Variants in MAGI3 observed in about 807,000 individuals in gnomAD.
MAGI3 encodes the protein membrane associated guanylate kinase, WW and PDZ domain containing 3, also known as membrane-associated guanylate kinase, WW and PDZ domain-containing protein 3.
A neutral mutation model predicts 121.8 loss-of-function variants in MAGI3; 43 were observed. The observed-to-expected ratio is 0.35, with a 90% CI of 0.28 to 0.46. The LOEUF is 0.46. Ranked by LOEUF, MAGI3 falls within the 20% of genes least tolerant of loss-of-function variation. MAGI3 has a pLI of 1.00. For synonymous variants in MAGI3, 553 were observed against 639.3 expected (o/e 0.86, Z 2.04); for missense variants, 1,547 against 1,797.3 (o/e 0.86, Z 2.52).
chr1:113,460,026 A>T (rs1032032095), intron 1 of MAGI3, among the ~76,000 whole-genome samples: 1 of 152,208 alleles, frequency 6.6e-6, no homozygotes. Context: ...CCTCAACAGA[A>T]TACTTGCAAA....
At chr1:113,635,980 T>C (rs1200017946) in intron 9 of MAGI3, among the ~76,000 whole-genome samples, 2 of 152,218 alleles carry the variant, frequency 1.3e-5, no homozygotes, top group African/African-American at 4.8e-5. Flanking sequence ...GAGGAATGTA[T>C]CCATTTCTTC....
Position 113,390,704 on chromosome 1 carries a change from G to A in MAGI3, c.-330G>A, listed in dbSNP as rs1466183272. 1 of 158,376 alleles carries A rather than the reference G, an allele frequency of 6.3e-6. No individual in the cohort carries two copies. Among genetic ancestry groups the A allele is most frequent in the African/African-American group, 2.4e-5 (1 of 41,638 alleles). 9.8% of individuals were successfully genotyped at this position (158,376 alleles called of 1,614,324 possible). ...CCCGCCGCTCGGGCGCTGAGCCCAG[G>A]GACCAGCCGGCGGCAGTGACCCCGC... On this transcript the variant is annotated 5_prime_UTR_variant, in exon 1 of 21. Transcript: ENST00000307546.
chr1:113,681,039 T>G (rs1283708713), intron 19 of MAGI3, among the ~76,000 whole-genome samples, 159 bp from the exon 20 acceptor site: 1 of 151,892 alleles, frequency 6.6e-6, no homozygotes, highest in Non-Finnish European at 1.5e-5. Context: ...TTGTCATCTG[T>G]CCTCTCATCA....
intron 1 of MAGI3, among the ~76,000 whole-genome samples, chr1:113,411,378 T>TTC (rs1206757754): frequency 2.0e-5 from 3 of 152,074 alleles, no homozygotes; most frequent in African/African-American, 7.2e-5. Context: ...GTCTTATATT[T>TTC]TCTCTGACTA....
chr1:113,598,822 C>T (rs1649183146), intron 6 of MAGI3, among the ~76,000 whole-genome samples: 1 of 152,064 alleles, frequency 6.6e-6, no homozygotes, highest in African/African-American at 2.4e-5. Context: ...AACAAATAAA[C>T]CTGACAGATA....
At chr1:113,626,123 G>A (rs1170389681) in intron 9 of MAGI3, among the ~76,000 whole-genome samples, 6 of 151,998 alleles carry the variant, frequency 3.9e-5, no homozygotes, top group Non-Finnish European at 5.9e-5. Context: ...TCACCAGCAC[G>A]CCTGGCTAAT....
At chr1:113,673,883 C>T (rs1321525851) in intron 19 of MAGI3, among the ~76,000 whole-genome samples, 1 of 152,154 alleles carries the variant, frequency 6.6e-6, no homozygotes, top group Admixed American at 6.5e-5. Context: ...CTCTTAGCTA[C>T]CGGGAGAGGT....
At chr1:113,505,141 TAGG>T (rs1657251673) in intron 1 of MAGI3, among the ~76,000 whole-genome samples, 2 of 151,798 alleles carry the variant, frequency 1.3e-5, no homozygotes, top group African/African-American at 4.8e-5. Context: ...AAAAGGGAGG[TAGG>T]CCCATACCAG....
intron 1 of MAGI3, among the ~76,000 whole-genome samples, chr1:113,520,315 A>G (rs1212854307): frequency 7.9e-5 from 12 of 151,978 alleles, no homozygotes; most frequent in Admixed American, 7.9e-4. Flanking sequence ...TTTGAGTGCC[A>G]CTGTATGCCT....
intron 6 of MAGI3, among the ~76,000 whole-genome samples, chr1:113,597,365 A>G (rs1333142887): frequency 6.6e-6 from 1 of 152,204 alleles, no homozygotes; most frequent in African/African-American, 2.4e-5. Context: ...GGAGTTATGA[A>G]GACGTTTTAA....
At chr1:113,444,440 A>G (rs1472836790) in intron 1 of MAGI3, among the ~76,000 whole-genome samples, 1 of 152,196 alleles carries the variant, frequency 6.6e-6, no homozygotes, top group African/African-American at 2.4e-5. Context: ...AGGCTAGAAT[A>G]TTCAAAAACA....
chr1:113,645,438 G>A (rs963064205), intron 11 of MAGI3, among the ~76,000 whole-genome samples: 1 of 152,190 alleles, frequency 6.6e-6, no homozygotes, highest in African/African-American at 2.4e-5. Flanking sequence ...GGTTCCTCTA[G>A]TAATCATTTT....
chr1:113,439,676 T>A (rs933963236), intron 1 of MAGI3, among the ~76,000 whole-genome samples: 4 of 152,192 alleles, frequency 2.6e-5, no homozygotes, highest in Non-Finnish European at 4.4e-5. Context: ...GAAAGGAAAC[T>A]AAAGTTTGAG....
At chr1:113,589,897 T>C (rs1648590852) in intron 4 of MAGI3, among the ~76,000 whole-genome samples, 2 of 152,110 alleles carry the variant, frequency 1.3e-5, no homozygotes, top group African/African-American at 4.8e-5. Flanking sequence ...ACAGGAACTC[T>C]ATTGAGTGTA....
intron 3 of MAGI3, 90 bp downstream of exon 3, chr1:113,580,751 T>A (rs577179577): frequency 1.5e-6 from 2 of 1,293,132 alleles, no homozygotes; most frequent in East Asian, 2.8e-5. Flanking sequence ...AAAGTACCAC[T>A]TTTTGAAAAA....
chr1:113,628,379 A>T (rs967689059), intron 9 of MAGI3, among the ~76,000 whole-genome samples: 2 of 152,044 alleles, frequency 1.3e-5, no homozygotes, highest in Non-Finnish European at 2.9e-5. Context: ...GTCTTATTGT[A>T]CTTTGTCTTG....
chr1:113,467,623 C>T (rs767625328), intron 1 of MAGI3, among the ~76,000 whole-genome samples: 1 of 152,150 alleles, frequency 6.6e-6, no homozygotes, highest in East Asian at 1.9e-4. Flanking sequence ...GCTTCAACCT[C>T]CTGGGTTCGA....
At chr1:113,605,644 G>A (rs1649714731) in intron 6 of MAGI3, among the ~76,000 whole-genome samples, 1 of 152,068 alleles carries the variant, frequency 6.6e-6, no homozygotes, top group Admixed American at 6.5e-5. Flanking sequence ...CTGTCGAACA[G>A]GCTGGAGTGC....
Position 113,683,855 on chromosome 1 carries a change from G to A in MAGI3, c.4287G>A (p.Gly1429=). 6.2e-7 allele frequency: 1 copy of A among 1,612,516 alleles called. No individual in the cohort carries two copies. The highest frequency in any genetic ancestry group is 8.5e-7 in the Non-Finnish European group (1 of 1,179,280). Reference sequence around the variant, plus strand: ...CAAACAAAACAGAAGATCACAAAGGGAAAGAACTAGAGGCAGCTGACAAAA... The same window carrying A: ...CAAACAAAACAGAAGATCACAAAGGAAAAGAACTAGAGGCAGCTGACAAAA... ...VVSNKTEDHK[G]KELEAADKNK... Residue 1429 remains glycine (G), a synonymous_variant, in exon 21 of 21, where the codon GGG becomes GGA. Transcript: ENST00000307546.
Sources: allele counts gnomAD v4.1 joint callset (sites outside exome capture counted in the v4.1 genomes callset), GRCh38; gene constraint gnomAD v4.1.1; transcripts MANE v1.5; gene names NCBI Gene and HGNC (gene_info 2026-07-23, HGNC 2026-07-21).